Variants in SEMA3A observed in about 807,000 individuals in gnomAD.
SEMA3A encodes semaphorin 3A.
A neutral mutation model predicts 97.9 loss-of-function variants in SEMA3A; 29 were observed. The observed-to-expected ratio is 0.30, with a 90% CI of 0.22 to 0.40. The LOEUF is 0.40. Ranked by LOEUF, SEMA3A falls within the 10% of genes least tolerant of loss-of-function variation. The probability of loss-of-function intolerance (pLI) is 1.00; values close to 1 mark genes in which losing one functional copy is unlikely to be tolerated. For missense variants in SEMA3A, 763 were observed against 951.3 expected (o/e 0.80, Z 2.60); for synonymous variants, 321 against 323.7 (o/e 0.99, Z 0.09).
rs149059510 is a variant in SEMA3A, at chr7:84,126,736, T to C, written c.333+2387A>G. On this transcript the variant is annotated intron_variant, in intron 3 of 16. Coordinates refer to ENST00000265362, the MANE Select transcript of SEMA3A (RefSeq NM_006080.3). ...TTGTTCAATTATACTTTTAGCCTTGTATTATTGAAGATTTTTCTACTTTTC... is the reference window on the plus strand; with the variant it reads ...TTGTTCAATTATACTTTTAGCCTTGCATTATTGAAGATTTTTCTACTTTTC... Among the ~76,000 whole-genome samples the C allele has an allele frequency of 3.0e-3, 454 of 152,302 alleles. 5 individuals are homozygous for C. Among genetic ancestry groups the C allele is most frequent in the African/African-American group, 0.01 (434 of 41,566 alleles).
chr7:83,965,901 G>A (rs1164422020), intron 15 of SEMA3A, among the ~76,000 whole-genome samples: 3 of 149,246 alleles, frequency 2.0e-5, no homozygotes, highest in South Asian at 2.1e-4. Flanking sequence ...GGATGGTCTC[G>A]ATCTCCTGAC....
intron 1 of SEMA3A, among the ~76,000 whole-genome samples, chr7:84,381,958 A>C (rs985791040): frequency 2.0e-5 from 3 of 152,134 alleles, no homozygotes; most frequent in Non-Finnish European, 4.4e-5. Context: ...AAAGAACAAG[A>C]ATTGGGTAGT....
At chr7:84,392,209 A>G (rs1803599005) in intron 1 of SEMA3A, among the ~76,000 whole-genome samples, 1 of 152,082 alleles carries the variant, frequency 6.6e-6, no homozygotes, top group Admixed American at 6.6e-5. Context: ...AATTTATTCT[A>G]ATTGATGTTT....
chr7:84,119,465 T>C (rs1288992787), intron 3 of SEMA3A, among the ~76,000 whole-genome samples: 3 of 152,192 alleles, frequency 2.0e-5, no homozygotes, highest in Non-Finnish European at 4.4e-5. Context: ...TAAAATTAAA[T>C]GGCAGAATTT....
chr7:84,217,725 C>T (rs887162239), intron 3 of SEMA3A, among the ~76,000 whole-genome samples: 4 of 151,584 alleles, frequency 2.6e-5, no homozygotes, highest in East Asian at 1.9e-4. Context: ...CCTGCCAGGG[C>T]ACGCTAGCCT....
At position 84,134,935 on chromosome 7, in the gene SEMA3A, G is replaced by A; in HGVS notation, c.129C>T (p.Asn43=). 3.1e-6 allele frequency: 5 copies of A among 1,612,770 alleles called. No homozygotes were observed. The South Asian group carries it at 5.5e-5, about 18-fold the overall frequency. ...CCAAGCCATTGAAAGTGATCACATT[G>A]TTGGATTCCAACATTTCTGCAAGGT... is the stretch of plus-strand genomic sequence containing the variant. ...KLSYKEMLES[N]NVITFNGLAN... Residue 43 remains asparagine, a synonymous_variant, in exon 2 of 17, where the codon AAC becomes AAT. Coordinates refer to ENST00000265362, the MANE Select transcript of SEMA3A (RefSeq NM_006080.3).
chr7:84,174,817 A>G (rs1370208403), intron 1 of SEMA3A, among the ~76,000 whole-genome samples: 1 of 152,178 alleles, frequency 6.6e-6, no homozygotes. Flanking sequence ...TCACTTTTTC[A>G]GAAGATTTTA....
intron 1 of SEMA3A, among the ~76,000 whole-genome samples, chr7:84,451,436 T>C (rs1805551101): frequency 6.6e-6 from 1 of 152,178 alleles, no homozygotes; most frequent in African/African-American, 2.4e-5. Flanking sequence ...AACTCCTAAA[T>C]TGATTAAAGA....
chr7:84,366,746 T>C (rs1441583352), intron 2 of SEMA3A, among the ~76,000 whole-genome samples: 2 of 151,364 alleles, frequency 1.3e-5, no homozygotes, highest in Non-Finnish European at 3.0e-5. Flanking sequence ...AGAAAAGGCC[T>C]TTCTGTGCAA....
At chr7:84,346,634 C>A (rs1482741891) in intron 2 of SEMA3A, among the ~76,000 whole-genome samples, 2 of 152,110 alleles carry the variant, frequency 1.3e-5, no homozygotes, top group Non-Finnish European at 2.9e-5. Context: ...CAACATTTAT[C>A]TATTAACTTT....
intron 1 of SEMA3A, among the ~76,000 whole-genome samples, chr7:84,393,704 G>A (rs1468780931): frequency 6.6e-6 from 1 of 152,052 alleles, no homozygotes; most frequent in African/African-American, 2.4e-5. Flanking sequence ...AGTAATACAT[G>A]CTATTTAGAT....
At chr7:84,239,551 A>C (rs530455891) in intron 3 of SEMA3A, among the ~76,000 whole-genome samples, 1 of 152,296 alleles carries the variant, frequency 6.6e-6, no homozygotes, top group South Asian at 2.1e-4. Flanking sequence ...TAATGAATTC[A>C]TTTTTAAAGC....
At chr7:84,066,690 A>G (rs2115728596) in intron 4 of SEMA3A, among the ~76,000 whole-genome samples, 1 of 151,470 alleles carries the variant, frequency 6.6e-6, no homozygotes, top group South Asian at 2.1e-4. Flanking sequence ...AAGAGAATAA[A>G]ATACCTAGGA....
intron 12 of SEMA3A, among the ~76,000 whole-genome samples, chr7:83,995,279 C>T (rs1047525690): frequency 1.1e-4 from 16 of 152,222 alleles, no homozygotes; most frequent in Admixed American, 3.3e-4. Flanking sequence ...CTGTCTTCTG[C>T]GTCGCTCACT....
rs112751917 is a variant in SEMA3A at position 84,315,567 on chromosome 7, T to G, written c.-168-8275A>C. Among the ~76,000 whole-genome samples the G allele has an allele frequency of 3.3e-5, 5 of 152,264 alleles. 1 individual carries two copies. Among genetic ancestry groups the G allele is most frequent in the African/African-American group, 1.2e-4 (5 of 41,560 alleles). On this transcript the variant is annotated intron_variant, in intron 2 of 3. Coordinates refer to the SEMA3A transcript ENST00000424555. ...AATTATGTAAGAAATCTTTGGTGAC[T>G]TAAATCTTTCTCAGATTTCATCCTC...
At chr7:84,063,993 G>A (rs1371480427) in intron 4 of SEMA3A, among the ~76,000 whole-genome samples, 1 of 151,470 alleles carries the variant, frequency 6.6e-6, no homozygotes, top group Non-Finnish European at 1.5e-5. Context: ...TGAAATGAAG[G>A]AAAAAATGTT....
intron 1 of SEMA3A, among the ~76,000 whole-genome samples, chr7:84,160,833 T>C (rs1584059483): frequency 6.6e-6 from 1 of 151,744 alleles, no homozygotes; most frequent in Non-Finnish European, 1.5e-5. Context: ...TGAGCCGAGA[T>C]CCCGCCATTG....
chr7:84,471,516 G>A lies in SEMA3A; in HGVS notation c.-246+20944C>T, dbSNP rs77538158. On this transcript the variant is annotated intron_variant, in intron 1 of 3. Transcript: ENST00000424555. Reference sequence around the variant, plus strand: ...ATGGCATAACTAAACACGTCTATGCGGGAAGAATCAAAAGACCTTGAAATT... The same window carrying A: ...ATGGCATAACTAAACACGTCTATGCAGGAAGAATCAAAAGACCTTGAAATT... 5.6e-3 allele frequency among the ~76,000 whole-genome samples: 853 copies of A among 152,012 alleles called. 12 individuals are homozygous for A. The highest frequency in any genetic ancestry group is 0.019 in the African/African-American group (804 of 41,510).
intron 4 of SEMA3A, among the ~76,000 whole-genome samples, chr7:84,109,136 AC>A (rs1795207050): frequency 6.6e-6 from 1 of 152,130 alleles, no homozygotes; most frequent in African/African-American, 2.4e-5. Context: ...GGTTGAGAAG[AC>A]AGCAAAGAGA....
Sources: gnomAD v4.1 joint callset for allele counts (sites outside exome capture counted in the v4.1 genomes callset) on GRCh38, gnomAD v4.1.1 for gene constraint, MANE v1.5 for transcripts, NCBI Gene and HGNC (gene_info 2026-07-23, HGNC 2026-07-21) for gene names.